CDH12: variants seen among roughly 807,000 people sequenced by gnomAD.
CDH12 encodes the protein cadherin-12.
A neutral mutation model predicts 74.1 loss-of-function variants in CDH12; 41 were observed. The ratio of observed to expected loss-of-function variants is 0.55; its 90% CI spans 0.43 to 0.72. The LOEUF (loss-of-function observed/expected upper bound fraction) is 0.72, where lower values mean the gene tolerates loss of function less well. Ranked by LOEUF, CDH12 falls within the 30% of genes least tolerant of loss-of-function variation. The pLI, the probability that CDH12 is intolerant of heterozygous loss-of-function variation, is 0.00. For missense variants in CDH12, 945 were observed against 977.2 expected, an observed-to-expected ratio of 0.97 and a Z score of 0.44; for synonymous variants, 399 against 355.0, an observed-to-expected ratio of 1.12 and a Z score of -1.39.
chr5:22,430,337 C>T (rs1048215257), intron 2 of CDH12, among the ~76,000 whole-genome samples: 5 of 151,882 alleles, frequency 3.3e-5, no homozygotes, highest in African/African-American at 1.2e-4. Context: ...GGTGATTCAT[C>T]TCTCAGTTAA....
chr5:21,926,393 CT>C (rs1180021497), intron 6 of CDH12, among the ~76,000 whole-genome samples: 4 of 152,210 alleles, frequency 2.6e-5, no homozygotes, highest in African/African-American at 2.4e-5. Context: ...GGTAACTTGA[CT>C]TGGCTAGAAC....
intron 1 of CDH12, among the ~76,000 whole-genome samples, chr5:22,660,392 T>C (rs574359958): frequency 6.6e-6 from 1 of 152,292 alleles, no homozygotes; most frequent in South Asian, 2.1e-4. Flanking sequence ...AATTCCAACG[T>C]GAAGAGATTA....
At chr5:22,128,371 C>T (rs1745997229) in intron 4 of CDH12, among the ~76,000 whole-genome samples, 1 of 151,926 alleles carries the variant, frequency 6.6e-6, no homozygotes, top group Non-Finnish European at 1.5e-5. Flanking sequence ...TTATCATTGT[C>T]ATCCAAAGAA....
At chr5:22,154,514 CACAT>C (rs1747884388) in intron 4 of CDH12, among the ~76,000 whole-genome samples, 1 of 25,814 alleles carries the variant, frequency 3.9e-5, no homozygotes, top group African/African-American at 1.4e-4. Flanking sequence ...TATATATGTA[CACAT>C]ATATATACAC....
chr5:22,053,516 T>C (rs996794229), intron 5 of CDH12, among the ~76,000 whole-genome samples: 3 of 151,526 alleles, frequency 2.0e-5, no homozygotes, highest in Non-Finnish European at 4.4e-5. Context: ...TGTATCACGG[T>C]GGCTGCCATT....
chr5:22,473,337 TG>T (rs1421347194), intron 2 of CDH12, among the ~76,000 whole-genome samples: 1 of 152,138 alleles, frequency 6.6e-6, no homozygotes, highest in Non-Finnish European at 1.5e-5. Flanking sequence ...ACACACTACA[TG>T]TATTAAATAT....
At position 21,751,125 on chromosome 5, in the gene CDH12, TAC is replaced by T. The variant is rs1167530283; in HGVS notation, c.*610_*611del. ...TAGGATAAACAAATACGTTTTAGCA[TAC>T]AGTTTAAAAAAGAAAAAGAAAACCT... On this transcript the variant is annotated 3_prime_UTR_variant, in exon 15 of 15. Coordinates refer to ENST00000382254, the MANE Select transcript of CDH12 (RefSeq NM_004061.5). 6 of 152,812 alleles carry T rather than the reference TAC, an allele frequency of 3.9e-5. No individual in the cohort carries two copies. The highest frequency in any genetic ancestry group is 1.4e-4 in the African/African-American group (6 of 41,566). The allele number at this position is 152,812 out of a possible 1,614,324, so 9.5% of individuals were successfully genotyped here.
chr5:22,044,097 C>T (rs1034639907), intron 5 of CDH12, among the ~76,000 whole-genome samples: 1 of 152,098 alleles, frequency 6.6e-6, no homozygotes, highest in African/African-American at 2.4e-5. Flanking sequence ...CTAAAAATCA[C>T]ATGGAACCAC....
At chr5:21,811,709 C>CTTTTT (rs371359584) in intron 9 of CDH12, among the ~76,000 whole-genome samples, 4,933 of 139,042 alleles carry the variant, frequency 0.035, 274 homozygotes, top group African/African-American at 0.099. Context: ...ATAGGACAAG[C>CTTTTT]TTTTTTTTTT....
intron 6 of CDH12, among the ~76,000 whole-genome samples, chr5:21,928,757 C>T (rs1376252962): frequency 6.6e-6 from 1 of 151,712 alleles, no homozygotes; most frequent in African/African-American, 2.4e-5. Context: ...CTGAGTAATG[C>T]TATCAGATAT....
At chr5:22,510,455 G>A (rs1200481418) in intron 1 of CDH12, among the ~76,000 whole-genome samples, 1 of 152,070 alleles carries the variant, frequency 6.6e-6, no homozygotes, top group African/African-American at 2.4e-5. Flanking sequence ...TTAAATCAGT[G>A]GGAAAAGAAC....
intron 3 of CDH12, among the ~76,000 whole-genome samples, chr5:22,224,380 T>C (rs1435738390): frequency 6.6e-6 from 1 of 151,540 alleles, no homozygotes; most frequent in Non-Finnish European, 1.5e-5. Flanking sequence ...AATTCTGACC[T>C]CAGGCAGAAA....
chr5:22,529,614 G>C (rs990116573), intron 1 of CDH12, among the ~76,000 whole-genome samples: 7 of 152,008 alleles, frequency 4.6e-5, no homozygotes, highest in African/African-American at 1.7e-4. Flanking sequence ...TATTAGAATG[G>C]TAATTTCATC....
chr5:22,566,432 G>C (rs1739287125), intron 1 of CDH12, among the ~76,000 whole-genome samples: 1 of 151,986 alleles, frequency 6.6e-6, no homozygotes, highest in Non-Finnish European at 1.5e-5. Flanking sequence ...TAGAGACGCA[G>C]TTTCACCATG....
At chr5:21,979,236 T>C (rs1292565285) in intron 5 of CDH12, among the ~76,000 whole-genome samples, 2 of 152,334 alleles carry the variant, frequency 1.3e-5, no homozygotes, top group East Asian at 1.9e-4. Flanking sequence ...CATTTACTGA[T>C]TGAAGCAGCC....
intron 4 of CDH12, among the ~76,000 whole-genome samples, chr5:22,177,697 A>G (rs1361479165): frequency 1.2e-4 from 18 of 152,146 alleles, no homozygotes; most frequent in Admixed American, 1.0e-3. Context: ...TGAGACTTGG[A>G]AAAATATGAG....
At chr5:22,501,113 A>G (rs1319603893) in intron 2 of CDH12, among the ~76,000 whole-genome samples, 1 of 152,156 alleles carries the variant, frequency 6.6e-6, no homozygotes, top group Non-Finnish European at 1.5e-5. Flanking sequence ...ATTTATTTAT[A>G]TCTTTCATCT....
chr5:22,266,791 G>T (rs1736138011), intron 3 of CDH12, among the ~76,000 whole-genome samples: 1 of 152,118 alleles, frequency 6.6e-6, no homozygotes, highest in African/African-American at 2.4e-5. Context: ...TCTTTTACAT[G>T]CTAAATTGTT....
intron 3 of CDH12, among the ~76,000 whole-genome samples, chr5:22,370,855 A>T (rs1336228075): frequency 1.3e-5 from 2 of 152,178 alleles, no homozygotes; most frequent in African/African-American, 4.8e-5. Context: ...ATCATCTGGA[A>T]AGAAAATGAC....
Sources: allele counts gnomAD v4.1 joint callset (sites outside exome capture counted in the v4.1 genomes callset), GRCh38; gene constraint gnomAD v4.1.1; transcripts MANE v1.5; gene names NCBI Gene and HGNC (gene_info 2026-07-23, HGNC 2026-07-21).